The following GRIK1 variants were observed in gnomAD, a reference collection of about 807,000 sequenced individuals.
GRIK1 encodes the protein glutamate receptor ionotropic, kainate 1.
GRIK1 carries 69 observed loss-of-function variants against 105.7 expected under a neutral mutation model. That is an observed-to-expected ratio of 0.65 (90% CI 0.54 to 0.80). The LOEUF (loss-of-function observed/expected upper bound fraction) is 0.80, where lower values mean the gene tolerates loss of function less well. Among genes scored for constraint, GRIK1 ranks in the 30% least tolerant of loss-of-function variants. GRIK1 has a pLI of 0.00. For synonymous variants in GRIK1, 438 were observed against 431.3 expected, an observed-to-expected ratio of 1.02 and a Z score of -0.19; for missense variants, 1,109 against 1,167.3, an observed-to-expected ratio of 0.95 and a Z score of 0.73.
At chr21:29,826,355 AAAC>A (rs2067457039) in intron 1 of GRIK1, among the ~76,000 whole-genome samples, 1 of 152,112 alleles carries the variant, frequency 6.6e-6, no homozygotes, top group Non-Finnish European at 1.5e-5. Context: ...ATATGTGGTC[AAAC>A]AATATACTGA....
intron 7 of GRIK1, among the ~76,000 whole-genome samples, chr21:29,625,473 A>G (rs1221620994): frequency 6.6e-6 from 1 of 152,096 alleles, no homozygotes; most frequent in Non-Finnish European, 1.5e-5. Flanking sequence ...GCCGCCAACC[A>G]GTTCCCAAGA....
chr21:29,796,972 A>G (rs562121820), intron 1 of GRIK1, among the ~76,000 whole-genome samples: 561 of 25,678 alleles, frequency 0.022, 1 homozygote, highest in African/African-American at 0.046. Context: ...CAAACAAACA[A>G]CAGAAAAAAA....
At chr21:29,714,188 T>G (rs550241688) in intron 1 of GRIK1, among the ~76,000 whole-genome samples, 15 of 150,402 alleles carry the variant, frequency 1.0e-4, no homozygotes, top group Middle Eastern at 3.4e-3. Context: ...TATTTTGTGG[T>G]TTTTTTTTCA....
chr21:29,862,527 C>T (rs751508862), intron 1 of GRIK1, among the ~76,000 whole-genome samples: 6 of 152,148 alleles, frequency 3.9e-5, no homozygotes, highest in Non-Finnish European at 7.4e-5. Context: ...GATCAAAATC[C>T]AGGGTATCTA....
At chr21:29,620,860 G>A (rs995806924) in intron 7 of GRIK1, among the ~76,000 whole-genome samples, 3 of 140,882 alleles carry the variant, frequency 2.1e-5, no homozygotes, top group African/African-American at 8.1e-5. Flanking sequence ...ATCATATGTA[G>A]TTATATATAT....
At chr21:29,895,090 G>A (rs1332638056) in intron 1 of GRIK1, among the ~76,000 whole-genome samples, 3 of 152,142 alleles carry the variant, frequency 2.0e-5, no homozygotes, top group Non-Finnish European at 4.4e-5. Context: ...GAAAAGGGAT[G>A]GGTTCAACAG....
chr21:29,898,631 C>T (rs1343457679), intron 1 of GRIK1, among the ~76,000 whole-genome samples: 1 of 152,066 alleles, frequency 6.6e-6, no homozygotes, highest in Non-Finnish European at 1.5e-5. Flanking sequence ...GGTTATTAGA[C>T]CATATGCAAT....
At chr21:29,579,084 G>A (rs1039620693) in intron 13 of GRIK1, among the ~76,000 whole-genome samples, 4 of 152,168 alleles carry the variant, frequency 2.6e-5, no homozygotes, top group Middle Eastern at 3.4e-3. Flanking sequence ...ACAGGCTGTT[G>A]ACATGTAATA....
chr21:29,849,682 T>G (rs2068244486), intron 1 of GRIK1, among the ~76,000 whole-genome samples: 1 of 152,222 alleles, frequency 6.6e-6, no homozygotes, highest in Admixed American at 6.5e-5. Context: ...GCTTAACTCC[T>G]TGACTCCAAT....
At chr21:29,618,093 C>A (rs542758932) in intron 7 of GRIK1, among the ~76,000 whole-genome samples, 1 of 152,268 alleles carries the variant, frequency 6.6e-6, no homozygotes, top group Admixed American at 6.5e-5. Context: ...CACCTTTCAT[C>A]TTTGATATTT....
At chr21:29,674,122 G>A (rs1442201575) in intron 3 of GRIK1, among the ~76,000 whole-genome samples, 1 of 151,094 alleles carries the variant, frequency 6.6e-6, no homozygotes, top group Non-Finnish European at 1.5e-5. Flanking sequence ...GGATTTGTCA[G>A]CTTTAGGTAA....
chr21:29,656,076 A>G (rs1241266304), intron 4 of GRIK1, among the ~76,000 whole-genome samples: 1 of 151,916 alleles, frequency 6.6e-6, no homozygotes, highest in East Asian at 1.9e-4. Flanking sequence ...AGAAATGAAG[A>G]GAGAAGGCCG....
At chr21:29,882,626 C>A (rs187091177) in intron 1 of GRIK1, among the ~76,000 whole-genome samples, 1 of 152,068 alleles carries the variant, frequency 6.6e-6, no homozygotes, top group African/African-American at 2.4e-5. Flanking sequence ...AAAGAACTTA[C>A]AAAGGGAAAA....
intron 16 of GRIK1, among the ~76,000 whole-genome samples, chr21:29,554,139 T>G (rs1395228762): frequency 1.1e-4 from 16 of 152,110 alleles, no homozygotes. Context: ...CAGGGTCCAG[T>G]GCGAAATGAA....
rs777331187 is a variant in GRIK1 at position 29,589,001 on chromosome 21, T to C, written c.1407A>G (p.Leu469=). Residue 469 remains leucine, a synonymous_variant, in exon 11 of 18, where the codon CTA becomes CTG. Coordinates refer to ENST00000327783, the MANE Select transcript of GRIK1 (RefSeq NM_001330994.2). ...ATCCTTCAAATCTGTCATTTCCATATAGAGGCTTATCAGATTTCCTGTACA... is the reference window on the plus strand; with the variant it reads ...ATCCTTCAAATCTGTCATTTCCATACAGAGGCTTATCAGATTTCCTGTACA... ...YVMYRKSDKP[L]YGNDRFEGYC... is the part of the protein sequence containing the mutation. 2.5e-6 allele frequency: 4 copies of C among 1,603,820 alleles called. No individual in the cohort carries two copies. The East Asian group carries it at 8.9e-5, about 36-fold the overall frequency.
chr21:29,725,389 TA>T (rs2064432161), intron 1 of GRIK1, among the ~76,000 whole-genome samples: 1 of 152,194 alleles, frequency 6.6e-6, no homozygotes, highest in South Asian at 2.1e-4. Context: ...AAAAAGAATA[TA>T]AAATCACTAG....
chr21:29,874,872 T>C (rs1265462041), intron 1 of GRIK1, among the ~76,000 whole-genome samples: 1 of 152,214 alleles, frequency 6.6e-6, no homozygotes, highest in Non-Finnish European at 1.5e-5. Flanking sequence ...GCCATGTTGA[T>C]TCATGATTAC....
At chr21:29,591,260 T>A in intron 9 of GRIK1, 35 bp from the exon 10 acceptor site, 1 of 1,236,602 alleles carries the variant, frequency 8.1e-7, no homozygotes, top group Non-Finnish European at 1.2e-6. Context: ...GGCTGCTGGC[T>A]GTCAGTGTGG....
At chr21:29,669,134 T>A (rs1426600871) in intron 4 of GRIK1, among the ~76,000 whole-genome samples, 2 of 152,242 alleles carry the variant, frequency 1.3e-5, no homozygotes, top group Non-Finnish European at 2.9e-5. Flanking sequence ...CAGATTTTCA[T>A]CATATAGTAC....
Sources: allele counts gnomAD v4.1 joint callset (sites outside exome capture counted in the v4.1 genomes callset), GRCh38; gene constraint gnomAD v4.1.1; transcripts MANE v1.5; gene names NCBI Gene and HGNC (gene_info 2026-07-23, HGNC 2026-07-21).